The following AP1G1 variants were observed in gnomAD, a reference collection of about 807,000 sequenced individuals.
AP1G1 encodes the protein AP-1 complex subunit gamma-1.
In AP1G1, 7 loss-of-function variants were observed where a neutral mutation model predicts 108.3. The observed-to-expected ratio is 0.06, with a 90% CI of 0.04 to 0.12. The LOEUF is 0.12. Among genes scored for constraint, AP1G1 ranks in the 10% least tolerant of loss-of-function variants. AP1G1 has a pLI of 1.00. For missense variants in AP1G1, 756 were observed against 1,010.7 expected (o/e 0.75, Z 3.42); for synonymous variants, 379 against 353.5 (o/e 1.07, Z -0.81).
chr16:71,744,920 A>T (rs1284746591), intron 19 of AP1G1, among the ~76,000 whole-genome samples: 2 of 152,198 alleles, frequency 1.3e-5, no homozygotes, highest in Admixed American at 6.5e-5. Flanking sequence ...TAATTTATTC[A>T]CCCAAAATTA....
chr16:71,755,019 A>G (rs1368510632), intron 12 of AP1G1, among the ~76,000 whole-genome samples: 1 of 152,226 alleles, frequency 6.6e-6, no homozygotes, highest in African/African-American at 2.4e-5. Context: ...CCTTAAATTC[A>G]GAGTGGAAAG....
chr16:71,736,567 TTTATTTATTTA>T (rs2045547522), intron 21 of AP1G1, among the ~76,000 whole-genome samples: 1 of 138,236 alleles, frequency 7.2e-6, no homozygotes, highest in African/African-American at 2.8e-5. Flanking sequence ...TATTTATTTA[TTTATTTATTTA>T]TTTATTTATT....
At chr16:71,780,157 C>G (rs543588987) in intron 2 of AP1G1, among the ~76,000 whole-genome samples, 1 of 151,864 alleles carries the variant, frequency 6.6e-6, no homozygotes, top group East Asian at 1.9e-4. Flanking sequence ...CTATATCCGG[C>G]TAATTTTTGT....
At chr16:71,741,348 C>T (rs1195445811) in intron 19 of AP1G1, among the ~76,000 whole-genome samples, 1 of 152,058 alleles carries the variant, frequency 6.6e-6, no homozygotes, top group Non-Finnish European at 1.5e-5. Flanking sequence ...TTTGGGAGGT[C>T]GAGGCGGGTG....
At chr16:71,754,317 A>G (rs576420187) in intron 12 of AP1G1, among the ~76,000 whole-genome samples, 9 of 150,038 alleles carry the variant, frequency 6.0e-5, no homozygotes, top group South Asian at 4.2e-4. Context: ...AGGAACAAAA[A>G]AGAGAGAGAA....
At chr16:71,749,701 G>C (rs1183905299) in intron 15 of AP1G1, among the ~76,000 whole-genome samples, 193 bp downstream of exon 15, 1 of 152,008 alleles carries the variant, frequency 6.6e-6, no homozygotes, top group Non-Finnish European at 1.5e-5. Context: ...ATGTTGCCCA[G>C]GCTGGTCTCA....
At chr16:71,755,190 C>A (rs145745956) in intron 12 of AP1G1, among the ~76,000 whole-genome samples, 1 of 152,164 alleles carries the variant, frequency 6.6e-6, no homozygotes, top group African/African-American at 2.4e-5. Context: ...CTTTGGGAGG[C>A]TGAGGCAGGC....
chr16:71,775,294 A>G lies in AP1G1; in HGVS notation c.202-702T>C, dbSNP rs542557255. On this transcript the variant is annotated intron_variant, in intron 2 of 22. Coordinates refer to ENST00000299980, the MANE Select transcript of AP1G1 (RefSeq NM_001128.6). ...TGATTCGCCCGCCTCAGCCTCCCAA[A>G]GTGCTGGTATTACAGGCCTGAGCCA... is the stretch of plus-strand genomic sequence containing the variant. Among the ~76,000 whole-genome samples, 219 of 151,958 alleles carry G rather than the reference A, an allele frequency of 1.4e-3. 2 individuals are homozygous for G. The highest frequency in any genetic ancestry group is 5.0e-3 in the African/African-American group (208 of 41,406).
In AP1G1 at chr16:71,805,256, T is replaced by C. The variant is rs951391072; in HGVS notation, c.-4+3507A>G. Among the ~76,000 whole-genome samples, 5 of 152,032 alleles carry C rather than the reference T, an allele frequency of 3.3e-5. No individual in the cohort carries two copies. In the South Asian group the frequency reaches 1.0e-3, roughly 32 times the overall value. On this transcript the variant is annotated intron_variant, in intron 1 of 22. Coordinates refer to ENST00000299980, the MANE Select transcript of AP1G1 (RefSeq NM_001128.6). ...TGAGCTCAGGAGTTCGAGACCAGCCTAGCCAACATGGTGAAACCCCGCCTC... is the reference window on the plus strand; with the variant it reads ...TGAGCTCAGGAGTTCGAGACCAGCCCAGCCAACATGGTGAAACCCCGCCTC...
chr16:71,796,292 A>G (rs2032583056), intron 1 of AP1G1, among the ~76,000 whole-genome samples: 1 of 152,196 alleles, frequency 6.6e-6, no homozygotes, highest in South Asian at 2.1e-4. Flanking sequence ...TGGTCTTTAG[A>G]GAGGCAAACA....
intron 16 of AP1G1, 59 bp downstream of exon 16, chr16:71,748,191 AT>A (rs780851239): frequency 9.0e-6 from 14 of 1,556,514 alleles, no homozygotes; most frequent in East Asian, 2.3e-5. Flanking sequence ...GTTTTTTGGG[AT>A]TTTTTTTGTT....
intron 10 of AP1G1, among the ~76,000 whole-genome samples, chr16:71,760,604 G>C (rs1446358942): frequency 6.6e-6 from 1 of 151,894 alleles, no homozygotes; most frequent in Non-Finnish European, 1.5e-5. Context: ...GAATGCAGTG[G>C]CATGATCACA....
At chr16:71,807,504 A>G (rs1009800056) in intron 1 of AP1G1, among the ~76,000 whole-genome samples, 1 of 152,226 alleles carries the variant, frequency 6.6e-6, no homozygotes, top group Non-Finnish European at 1.5e-5. Context: ...CCTTTAGAAT[A>G]AAAGTGACGA....
At chr16:71,747,736 C>G (rs1421594135) in intron 16 of AP1G1, among the ~76,000 whole-genome samples, 1 of 152,022 alleles carries the variant, frequency 6.6e-6, no homozygotes, top group Non-Finnish European at 1.5e-5. Context: ...AATCCCTGCA[C>G]TTTGGGAGGT....
At chr16:71,774,398 C>T (rs1000557726) in intron 3 of AP1G1, 70 bp downstream of exon 3, 89 of 1,531,938 alleles carry the variant, frequency 5.8e-5, no homozygotes, top group South Asian at 2.2e-4. Flanking sequence ...AGCAAGACTC[C>T]GTCTCAAAGA....
At chr16:71,734,817 T>C in intron 21 of AP1G1, 110 bp from the exon 22 acceptor site, 1 of 830,726 alleles carries the variant, frequency 1.2e-6, no homozygotes, top group Non-Finnish European at 2.0e-6. Flanking sequence ...CAGATTTCAC[T>C]ACTACTAAGT....
chr16:71,786,023 A>G (rs112803006), intron 2 of AP1G1, among the ~76,000 whole-genome samples: 11 of 152,242 alleles, frequency 7.2e-5, no homozygotes, highest in Non-Finnish European at 1.6e-4. Flanking sequence ...CAAATTACTG[A>G]TATGAACAAG....
chr16:71,734,714 G>A lies in AP1G1; in HGVS notation c.2269-7C>T, dbSNP rs2045512391. ...AGAGCTGCAGCTGGAATGTCTAGGGGGGAACAAAGGGCACTCTTCAGAAAA... is the reference window on the plus strand; with the variant it reads ...AGAGCTGCAGCTGGAATGTCTAGGGAGGAACAAAGGGCACTCTTCAGAAAA... On this transcript the variant is annotated splice_polypyrimidine_tract_variant and splice_region_variant and intron_variant, in intron 21 of 22. Coordinates refer to ENST00000299980, the MANE Select transcript of AP1G1 (RefSeq NM_001128.6). 2 of 1,606,798 alleles carry A rather than the reference G, an allele frequency of 1.2e-6. No homozygotes were observed. The highest frequency in any genetic ancestry group is 1.7e-6 in the Non-Finnish European group (2 of 1,173,564).
intron 2 of AP1G1, among the ~76,000 whole-genome samples, chr16:71,786,060 C>T (rs2032193372): frequency 6.6e-6 from 1 of 151,980 alleles, no homozygotes; most frequent in African/African-American, 2.4e-5. Context: ...ACAGAGGAAA[C>T]AGAATAAGAA....
Sources: gnomAD v4.1 joint callset for allele counts (sites outside exome capture counted in the v4.1 genomes callset) on GRCh38, gnomAD v4.1.1 for gene constraint, MANE v1.5 for transcripts, NCBI Gene and HGNC (gene_info 2026-07-23, HGNC 2026-07-21) for gene names.